The following NFAT5 variants were observed in gnomAD, a reference collection of about 807,000 sequenced individuals.
NFAT5 encodes the protein nuclear factor of activated T-cells 5.
NFAT5 carries 31 observed loss-of-function variants against 166.5 expected under a neutral mutation model. The observed-to-expected ratio is 0.19, with a 90% CI of 0.14 to 0.25. The LOEUF (loss-of-function observed/expected upper bound fraction) is 0.25, where lower values mean the gene tolerates loss of function less well. Ranked by LOEUF, NFAT5 falls within the 10% of genes least tolerant of loss-of-function variation. The pLI, the probability that NFAT5 is intolerant of heterozygous loss-of-function variation, is 1.00. For missense variants in NFAT5, 1,449 were observed against 1,821.8 expected, an observed-to-expected ratio of 0.80 and a Z score of 3.72; for synonymous variants, 612 against 639.7, an observed-to-expected ratio of 0.96 and a Z score of 0.65.
At chr16:69,596,663 A>G (rs537522562) in intron 2 of NFAT5, among the ~76,000 whole-genome samples, 3 of 150,940 alleles carry the variant, frequency 2.0e-5, no homozygotes, top group Non-Finnish European at 4.4e-5. Context: ...GGTTGCAGTG[A>G]GCCGAGATCG....
At chr16:69,689,152 C>T (rs1441957322) in intron 11 of NFAT5, among the ~76,000 whole-genome samples, 3 of 152,156 alleles carry the variant, frequency 2.0e-5, no homozygotes, top group Non-Finnish European at 4.4e-5. Context: ...TGGTGTGTGC[C>T]TGTAGTCCCA....
chr16:69,609,819 G>GAAAAAAAAAAAAAA (rs1157655325), intron 2 of NFAT5, among the ~76,000 whole-genome samples: 3 of 75,324 alleles, frequency 4.0e-5, no homozygotes, highest in South Asian at 5.0e-4. Context: ...TGTCTCTACT[G>GAAAAAAAAAAAAAA]AAAAAAAAAA....
intron 2 of NFAT5, among the ~76,000 whole-genome samples, chr16:69,587,975 C>T (rs1237916102): frequency 6.5e-5 from 6 of 91,736 alleles, no homozygotes; most frequent in South Asian, 3.9e-4. Context: ...TTTTTTGGGA[C>T]AGAGTCTCAC....
At chr16:69,626,592 C>T in intron 3 of NFAT5, 64 bp downstream of exon 3, 2 of 1,316,464 alleles carry the variant, frequency 1.5e-6, no homozygotes, top group Non-Finnish European at 2.0e-6. Flanking sequence ...CCAACATGAA[C>T]AGTGCTGGCA....
intron 3 of NFAT5, among the ~76,000 whole-genome samples, chr16:69,630,575 C>T (rs1250135063): frequency 6.6e-6 from 1 of 152,216 alleles, no homozygotes; most frequent in Non-Finnish European, 1.5e-5. Context: ...TATAAACTTT[C>T]TGAACCATTT....
At chr16:69,616,647 C>T (rs1367566885) in intron 2 of NFAT5, among the ~76,000 whole-genome samples, 1 of 152,122 alleles carries the variant, frequency 6.6e-6, no homozygotes. Flanking sequence ...CCAACCTGAG[C>T]CATCCTCCCC....
intron 7 of NFAT5, among the ~76,000 whole-genome samples, chr16:69,667,494 TA>T (rs57015431): frequency 0.3 from 37,586 of 125,848 alleles, 5,076 homozygotes; most frequent in East Asian, 0.48. Context: ...TTGCAGAAAC[TA>T]AAAAAAAAAA....
At chr16:69,578,484 A>G (rs2031446301) in intron 2 of NFAT5, among the ~76,000 whole-genome samples, 1 of 152,220 alleles carries the variant, frequency 6.6e-6, no homozygotes, top group Admixed American at 6.5e-5. Flanking sequence ...GAACACTTAA[A>G]ATTTGTTGGT....
chr16:69,685,420 G>A (rs1176771069), intron 11 of NFAT5: 1 of 151,702 alleles, frequency 6.6e-6, no homozygotes, highest in African/African-American at 2.4e-5. Flanking sequence ...GGTGGCAGGT[G>A]CCCGTAGTCC....
chr16:69,572,515 C>T (rs1456495969), intron 2 of NFAT5, among the ~76,000 whole-genome samples: 4 of 151,620 alleles, frequency 2.6e-5, no homozygotes, highest in Non-Finnish European at 5.9e-5. Context: ...TTTTGAAGTG[C>T]CTGGGAAAAA....
rs1157733101 is a variant in NFAT5 at position 69,703,702 on chromosome 16, A to G, written c.*7351A>G. On this transcript the variant is annotated 3_prime_UTR_variant, in exon 15 of 15. Transcript: ENST00000349945. ...TACAAATTTTGGTGCTGGCAAATAC[A>G]TAGGCAAACTGTTGGGAGCTGCTCT... The G allele has an allele frequency of 6.6e-6, 1 of 152,630 alleles. No individual in the cohort carries two copies. Among genetic ancestry groups the G allele is most frequent in the Non-Finnish European group, 1.5e-5 (1 of 68,026 alleles). 9.5% of individuals were successfully genotyped at this position (152,630 alleles called of 1,614,324 possible). A position where few individuals can be genotyped will look rare whatever the true frequency, so the allele number is the denominator to read the frequency against.
intron 2 of NFAT5, among the ~76,000 whole-genome samples, chr16:69,606,820 C>T (rs2033436721): frequency 6.6e-6 from 1 of 152,126 alleles, no homozygotes. Context: ...CGCCATTGCA[C>T]TCCAGCTTGG....
At position 69,704,568 on chromosome 16, in the gene NFAT5, T is replaced by C. The variant is rs1466613860; in HGVS notation, c.*8217T>C. The C allele has an allele frequency of 6.6e-6, 1 of 152,664 alleles. No individual in the cohort carries two copies. Among genetic ancestry groups the C allele is most frequent in the Non-Finnish European group, 1.5e-5 (1 of 68,036 alleles). The allele number at this position is 152,664 out of a possible 1,614,324, so 9.5% of individuals were successfully genotyped here. A position where few individuals can be genotyped will look rare whatever the true frequency, so the allele number is the denominator to read the frequency against. ...GATAACTTGTTAAATATTAAAAAGA[T>C]ATTTTGCTTCTATTGGAACATTTGT... is the stretch of plus-strand genomic sequence containing the variant. On this transcript the variant is annotated 3_prime_UTR_variant, in exon 15 of 15. Transcript: ENST00000349945.
At chr16:69,667,246 A>G (rs1260042044) in intron 7 of NFAT5, among the ~76,000 whole-genome samples, 11 of 151,338 alleles carry the variant, frequency 7.3e-5, no homozygotes, top group South Asian at 4.2e-4. Flanking sequence ...TGGGTGCAGC[A>G]CACCAGCATG....
chr16:69,688,651 G>A (rs2037426925), intron 11 of NFAT5, among the ~76,000 whole-genome samples: 1 of 152,182 alleles, frequency 6.6e-6, no homozygotes, highest in African/African-American at 2.4e-5. Context: ...ACAGGCATGA[G>A]CCAATGCGCC....
rs1189268030 is a variant in NFAT5, at chr16:69,698,600, A to AG, written c.*2250dup. 1 of 152,536 alleles carries AG rather than the reference A, an allele frequency of 6.6e-6. No individual in the cohort carries two copies. The allele number at this position is 152,536 out of a possible 1,614,324, so 9.4% of individuals were successfully genotyped here. Reference sequence around the variant, plus strand: ...ATCAGGCAGTTAGTTCCTTGATGTCAGTAGTGGGCTAAAGGCAGCTTACTG... The same window carrying AG: ...ATCAGGCAGTTAGTTCCTTGATGTCAGGTAGTGGGCTAAAGGCAGCTTACTG... On this transcript the variant is annotated 3_prime_UTR_variant, in exon 15 of 15. Coordinates refer to ENST00000349945, the MANE Select transcript of NFAT5 (RefSeq NM_138713.4).
At chr16:69,611,258 A>G (rs551390320) in intron 2 of NFAT5, among the ~76,000 whole-genome samples, 1 of 152,350 alleles carries the variant, frequency 6.6e-6, no homozygotes, top group South Asian at 2.1e-4. Context: ...GTTAATAGCC[A>G]TGGAACAGAT....
rs557322985 is a variant in NFAT5, at chr16:69,635,296, C to A, written c.253+8768C>A. 2.6e-5 allele frequency among the ~76,000 whole-genome samples: 4 copies of A among 152,100 alleles called. No homozygotes were observed. The South Asian group carries it at 8.3e-4, about 32-fold the overall frequency. ...AAAGTGCTGGTATTACAGGCGTGAG[C>A]CACCATGCCTGGCCATTAGTAAGGT... On this transcript the variant is annotated intron_variant, in intron 3 of 14. Transcript: ENST00000349945.
chr16:69,643,633 T>G (rs1208278833), intron 3 of NFAT5, among the ~76,000 whole-genome samples: 1 of 151,384 alleles, frequency 6.6e-6, no homozygotes, highest in African/African-American at 2.4e-5. Flanking sequence ...TTGAATTATA[T>G]TTGAATTATA....
Sources: gnomAD v4.1 joint callset for allele counts (sites outside exome capture counted in the v4.1 genomes callset) on GRCh38, gnomAD v4.1.1 for gene constraint, MANE v1.5 for transcripts, NCBI Gene and HGNC (gene_info 2026-07-23, HGNC 2026-07-21) for gene names.